CPNE3: variants seen among roughly 807,000 people sequenced by gnomAD.
The protein encoded by CPNE3 is copine 3.
Under a neutral mutation model 63.9 loss-of-function variants are expected in CPNE3, and 68 were observed. The ratio of observed to expected loss-of-function variants is 1.06; its 90% CI spans 0.87 to 1.30. CPNE3 has a LOEUF of 1.30. Ranked by LOEUF, CPNE3 falls within the 50% of genes most tolerant of loss-of-function variation. CPNE3 has a pLI of 0.00. For missense variants in CPNE3, 665 were observed against 578.1 expected (o/e 1.15, Z -1.54); for synonymous variants, 219 against 197.5 (o/e 1.11, Z -0.91).
At chr8:86,518,443 A>G (rs940704438) in intron 2 of CPNE3, among the ~76,000 whole-genome samples, 44 of 152,312 alleles carry the variant, frequency 2.9e-4, no homozygotes, top group Non-Finnish European at 2.1e-4. Flanking sequence ...TAGTCCTTAT[A>G]ATGGAAAACT....
At chr8:86,531,971 A>G (rs1307121076) in intron 5 of CPNE3, among the ~76,000 whole-genome samples, 1 of 152,182 alleles carries the variant, frequency 6.6e-6, no homozygotes, top group Non-Finnish European at 1.5e-5. Context: ...TGTAGTTTAA[A>G]TCTCCAAAGG....
intron 9 of CPNE3, 136 bp downstream of exon 9, chr8:86,544,974 G>C: frequency 2.4e-6 from 1 of 421,746 alleles, no homozygotes. Context: ...GAAATGTTTA[G>C]TAATCACATA....
chr8:86,541,698 C>T (rs1321178654), intron 8 of CPNE3, among the ~76,000 whole-genome samples: 4 of 137,126 alleles, frequency 2.9e-5, no homozygotes, highest in South Asian at 4.6e-4. Flanking sequence ...GGAGTGAGAC[C>T]GTGTCTTAAA....
chr8:86,551,143 G>A, intron 13 of CPNE3, 40 bp from the exon 14 acceptor site: 1 of 1,612,528 alleles, frequency 6.2e-7, no homozygotes, highest in Non-Finnish European at 8.5e-7. Context: ...TCCTAGAAAA[G>A]CAGCCCAGCC....
At chr8:86,527,701 C>A (rs1171868389) in intron 2 of CPNE3, among the ~76,000 whole-genome samples, 1 of 151,948 alleles carries the variant, frequency 6.6e-6, no homozygotes, top group African/African-American at 2.4e-5. Context: ...ATATTGAGAA[C>A]CACTGCTGCA....
intron 7 of CPNE3, among the ~76,000 whole-genome samples, chr8:86,539,601 G>C (rs1318821177): frequency 6.7e-6 from 1 of 149,492 alleles, no homozygotes; most frequent in Non-Finnish European, 1.5e-5. Context: ...TTTCATATTT[G>C]AATCTTCTGT....
intron 4 of CPNE3, among the ~76,000 whole-genome samples, chr8:86,530,304 G>A (rs1386968728): frequency 6.6e-6 from 1 of 151,976 alleles, no homozygotes; most frequent in Non-Finnish European, 1.5e-5. Flanking sequence ...CAAGTAGCTA[G>A]GACTATAAGC....
At chr8:86,540,443 C>T (rs1443394140) in intron 8 of CPNE3, 109 bp downstream of exon 8, 1 of 456,874 alleles carries the variant, frequency 2.2e-6, no homozygotes, top group Non-Finnish European at 3.7e-6. Flanking sequence ...ATGTAAGACA[C>T]CTACAGAGTT....
rs1039988602 is a variant in CPNE3 at position 86,521,097 on chromosome 8, T to A, written c.-11+5598T>A. ...GTAGTTTAAATTCTTTTAATGTGAG[T>A]TTTTTACTCTCAGAGTCTGGATATT... On this transcript the variant is annotated intron_variant, in intron 2 of 16. Transcript: ENST00000517490. Among the ~76,000 whole-genome samples, 4 of 152,110 alleles carry A rather than the reference T, an allele frequency of 2.6e-5. No individual in the cohort carries two copies. The South Asian group carries it at 6.2e-4, about 24-fold the overall frequency.
At chr8:86,550,953 TGAAATGAGC>T in intron 12 of CPNE3, 84 bp from the exon 13 acceptor site, 1 of 1,246,220 alleles carries the variant, frequency 8.0e-7, no homozygotes, top group African/African-American at 1.5e-5. Context: ...TCATACTTTT[TGAAATGAGC>T]TCATATGGAT....
intron 8 of CPNE3, among the ~76,000 whole-genome samples, chr8:86,541,559 C>G (rs562011911): frequency 1.3e-5 from 2 of 152,006 alleles, no homozygotes; most frequent in African/African-American, 4.8e-5. Context: ...CAAAAATGAG[C>G]TGGGTGTGGT....
chr8:86,525,128 T>TA (rs1820514723), intron 2 of CPNE3: 1 of 152,320 alleles, frequency 6.6e-6, no homozygotes, highest in South Asian at 2.1e-4. Flanking sequence ...ATGCTGGGAT[T>TA]ACAGGTGTGA....
chr8:86,547,949 T>C (rs1821091147), intron 11 of CPNE3, among the ~76,000 whole-genome samples, 179 bp downstream of exon 11: 1 of 152,198 alleles, frequency 6.6e-6, no homozygotes, highest in African/African-American at 2.4e-5. Flanking sequence ...GTTGATGAGA[T>C]CTCTTCCTCC....
In CPNE3 at chr8:86,515,494, C is replaced by T. The variant is rs555485888; in HGVS notation, c.-16C>T. The stretch of plus-strand genomic sequence containing the variant: ...AGGTTGAATAATTCATCAAATTACA[C>T]AACTGGTAAGTGGTGGCATTAGGGT... On this transcript the variant is annotated 5_prime_UTR_variant, in exon 2 of 17. Coordinates refer to ENST00000517490, the MANE Select transcript of CPNE3 (RefSeq NM_003909.5). The T allele has an allele frequency of 2.0e-5, 3 of 152,178 alleles. No homozygotes were observed. The highest frequency in any genetic ancestry group is 4.4e-5 in the Non-Finnish European group (3 of 68,022). 9.4% of individuals were successfully genotyped at this position (152,178 alleles called of 1,614,324 possible). A position where few individuals can be genotyped will look rare whatever the true frequency, so the allele number is the denominator to read the frequency against.
rs1234091853 is a variant in CPNE3 at position 86,546,619 on chromosome 8, A to G, written c.757A>G (p.Lys253Glu). 6.2e-7 allele frequency: 1 copy of G among 1,611,794 alleles called. No individual in the cohort carries two copies. The highest frequency in any genetic ancestry group is 1.1e-5 in the South Asian group (1 of 90,744). ...SPVEFECINE[K>E]KRQKKKSYKN... ...GGTTGAATTTGAATGCATAAATGAG[A>G]AAAAAAGGCAAAAGAAAAAAAGCTA... Residue 253 changes from lysine to glutamate, a missense_variant, in exon 10 of 17, where the codon AAA becomes GAA. Lys to Glu is a moderately conservative substitution (Grantham distance 56). Transcript: ENST00000517490.
chr8:86,553,588 A>G (rs932981295), intron 14 of CPNE3, among the ~76,000 whole-genome samples: 2 of 152,088 alleles, frequency 1.3e-5, no homozygotes, highest in African/African-American at 2.4e-5. Context: ...GTGTAAGTAT[A>G]CTCTATGATG....
At chr8:86,539,566 C>T (rs952186152) in intron 7 of CPNE3, among the ~76,000 whole-genome samples, 2 of 151,412 alleles carry the variant, frequency 1.3e-5, no homozygotes, top group African/African-American at 4.9e-5. Flanking sequence ...AACATAGTTT[C>T]TTATTCTATA....
chr8:86,518,444 A>C (rs1463571922), intron 2 of CPNE3, among the ~76,000 whole-genome samples: 2 of 152,192 alleles, frequency 1.3e-5, no homozygotes, highest in Admixed American at 1.3e-4. Context: ...AGTCCTTATA[A>C]TGGAAAACTT....
At chr8:86,541,704 T>TAA (rs1820945256) in intron 8 of CPNE3, among the ~76,000 whole-genome samples, 1 of 134,648 alleles carries the variant, frequency 7.4e-6, no homozygotes, top group African/African-American at 2.7e-5. Context: ...AGACCGTGTC[T>TAA]TAAAAAAAAA....
Sources: gnomAD v4.1 joint callset for allele counts (sites outside exome capture counted in the v4.1 genomes callset) on GRCh38, gnomAD v4.1.1 for gene constraint, MANE v1.5 for transcripts, NCBI Gene and HGNC (gene_info 2026-07-23, HGNC 2026-07-21) for gene names.